CNNM1: variants seen among roughly 807,000 people sequenced by gnomAD.
CNNM1 encodes cyclin and CBS domain divalent metal cation transport mediator 1, also known as metal transporter CNNM1.
A neutral mutation model predicts 78.8 loss-of-function variants in CNNM1; 44 were observed. The ratio of observed to expected loss-of-function variants is 0.56; its 90% CI spans 0.44 to 0.72. CNNM1 has a LOEUF of 0.72. Ranked by LOEUF, CNNM1 falls within the 30% of genes least tolerant of loss-of-function variation. The pLI is 0.00. For synonymous variants in CNNM1, 584 were observed against 581.5 expected, an observed-to-expected ratio of 1.00 and a Z score of -0.06; for missense variants, 1,101 against 1,292.2, an observed-to-expected ratio of 0.85 and a Z score of 2.27.
chr10:99,374,158 C>T (rs1349078619), intron 6 of CNNM1, among the ~76,000 whole-genome samples: 1 of 152,152 alleles, frequency 6.6e-6, no homozygotes, highest in Non-Finnish European at 1.5e-5. Context: ...AGGAATGAGG[C>T]CCAGAAGTGA....
At chr10:99,346,570 C>A (rs1431155063) in intron 1 of CNNM1, among the ~76,000 whole-genome samples, 1 of 152,180 alleles carries the variant, frequency 6.6e-6, no homozygotes, top group Non-Finnish European at 1.5e-5. Flanking sequence ...CATTCATTCT[C>A]CCAAACTTAT....
chr10:99,380,436 A>C (rs1361380052), intron 7 of CNNM1, among the ~76,000 whole-genome samples: 1 of 151,932 alleles, frequency 6.6e-6, no homozygotes, highest in African/African-American at 2.4e-5. Context: ...GGATTTGGCA[A>C]CTCCTCAGAG....
chr10:99,377,174 C>T lies in CNNM1; in HGVS notation c.2296C>T (p.Pro766Ser). Residue 766 changes from proline (P) to serine (S), a missense_variant, in exon 7 of 11, where the codon CCT (proline) becomes TCT (serine). Pro to Ser is a moderately conservative substitution (Grantham distance 74, BLOSUM62 -1). Around this residue, in one of 3 missense-constraint regions of CNNM1, gnomAD observed 348 missense variants for 384.5 expected, o/e 0.90. Transcript: ENST00000356713. ...LYSSSNNLYM[P>S]DYSVHILSDV... ...CAGCAGCAGCAACAACCTCTACATG[C>T]CTGACTACTCAGTCCACATCCTCAG... is the stretch of plus-strand genomic sequence containing the variant. 1 of 1,613,684 alleles carries T rather than the reference C, an allele frequency of 6.2e-7. No homozygotes were observed. Among genetic ancestry groups the T allele is most frequent in the South Asian group, 1.1e-5 (1 of 90,918 alleles).
chr10:99,347,576 A>AACACAC lies in CNNM1; in HGVS notation c.1574-9918_1574-9913dup, dbSNP rs57477706. Among the ~76,000 whole-genome samples, 353 of 140,900 alleles carry AACACAC rather than the reference A, an allele frequency of 2.5e-3. 3 individuals carry two copies. The highest frequency in any genetic ancestry group is 8.3e-3 in the African/African-American group (315 of 38,046). The allele number at this position is 140,900 out of a possible 152,430, so 92.4% of individuals were successfully genotyped here. A position where few individuals can be genotyped will look rare whatever the true frequency, so the allele number is the denominator to read the frequency against. On this transcript the variant is annotated intron_variant, in intron 1 of 10. Transcript: ENST00000356713. ...AAGTCAGATCATGTCACCTTTTTGC[A>AACACAC]ACACACACACACACACACACACAAA...
At chr10:99,371,705 A>C (rs978379803) in intron 6 of CNNM1, among the ~76,000 whole-genome samples, 1 of 152,166 alleles carries the variant, frequency 6.6e-6, no homozygotes, top group African/African-American at 2.4e-5. Flanking sequence ...GAATGAGTTC[A>C]TCTGGGATCC....
intron 1 of CNNM1, among the ~76,000 whole-genome samples, chr10:99,343,798 T>C (rs1264394768): frequency 6.6e-6 from 1 of 152,058 alleles, no homozygotes; most frequent in Admixed American, 6.5e-5. Flanking sequence ...CACTGCAAAC[T>C]CTGCCTCCTG....
At chr10:99,376,990 T>TACCAACCCCATAATACAA in intron 6 of CNNM1, 65 bp from the exon 7 acceptor site, 1 of 866,126 alleles carries the variant, frequency 1.2e-6, no homozygotes, top group Non-Finnish European at 1.8e-6. Context: ...CCTGTCTCCC[T>TACCAACCCCATAATACAA]CCCTCCCCCT....
intron 1 of CNNM1, among the ~76,000 whole-genome samples, chr10:99,350,752 G>A (rs2030915126): frequency 6.6e-6 from 1 of 152,076 alleles, no homozygotes; most frequent in Admixed American, 6.5e-5. Context: ...TAGGTATTAA[G>A]CCCAGCATAC....
intron 2 of CNNM1, 29 bp downstream of exon 2, chr10:99,357,684 G>C: frequency 6.5e-7 from 1 of 1,548,524 alleles, no homozygotes; most frequent in Admixed American, 2.0e-5. Context: ...CTGTTCTCCA[G>C]GGTCATCTTA....
In CNNM1 at chr10:99,329,858, G is replaced by T. The variant is rs1465059781; in HGVS notation, c.471G>T (p.Ser157=). 20 of 1,409,634 alleles carry T rather than the reference G, an allele frequency of 1.4e-5. No individual in the cohort carries two copies. The highest frequency in any genetic ancestry group is 1.8e-5 in the Non-Finnish European group (20 of 1,088,740). 87.3% of individuals were successfully genotyped at this position (1,409,634 alleles called of 1,614,324 possible). A position where few individuals can be genotyped will look rare whatever the true frequency, so the allele number is the denominator to read the frequency against. ...GPLRPGGVAG[S]ALVQVRVREL... ...TGCGTCCCGGGGGCGTGGCAGGCTC[G>T]GCCCTGGTCCAGGTGCGAGTGCGGG... Residue 157 remains serine (S), a synonymous_variant, in exon 1 of 11, where the codon TCG becomes TCT. Coordinates refer to ENST00000356713, the MANE Select transcript of CNNM1 (RefSeq NM_020348.3).
intron 1 of CNNM1, among the ~76,000 whole-genome samples, chr10:99,352,799 A>T (rs1444798990): frequency 6.6e-6 from 1 of 151,248 alleles, no homozygotes; most frequent in East Asian, 2.0e-4. Context: ...CCATTCTGTG[A>T]ATTGTCTTTT....
Position 99,329,637 on chromosome 10 carries a change from G to T in CNNM1, c.250G>T (p.Ala84Ser). The T allele has an allele frequency of 6.6e-7, 1 of 1,517,136 alleles. No homozygotes were observed. 94.0% of individuals were successfully genotyped at this position (1,517,136 alleles called of 1,614,324 possible). Residue 84 changes from alanine (A) to serine (S), a missense_variant, in exon 1 of 11, where the codon GCC becomes TCC. Coordinates refer to ENST00000356713, the MANE Select transcript of CNNM1 (RefSeq NM_020348.3). The part of the protein sequence containing the change: ...VYFQPGPPAT[A>S]APVPSPTLNS... ...TTTCCAGCCAGGACCGCCGGCCACC[G>T]CCGCACCGGTGCCCTCACCGACCCT...
chr10:99,336,573 T>C (rs930382391), intron 1 of CNNM1, among the ~76,000 whole-genome samples: 1 of 152,248 alleles, frequency 6.6e-6, no homozygotes, highest in Non-Finnish European at 1.5e-5. Context: ...CAAATAGTTG[T>C]GTTGGCACAG....
At chr10:99,386,923 A>G (rs1208176486) in intron 7 of CNNM1, among the ~76,000 whole-genome samples, 1 of 152,228 alleles carries the variant, frequency 6.6e-6, no homozygotes, top group Non-Finnish European at 1.5e-5. Context: ...AAAACGCTTT[A>G]GGAGATGGTA....
chr10:99,359,004 C>CAAAAAAAAAAA (rs769541046), intron 2 of CNNM1, among the ~76,000 whole-genome samples: 1 of 51,498 alleles, frequency 1.9e-5, no homozygotes, highest in African/African-American at 7.1e-5. Context: ...AAGACTGTCT[C>CAAAAAAAAAAA]AAAAAAAAAA....
At chr10:99,349,964 A>G (rs1302790308) in intron 1 of CNNM1, among the ~76,000 whole-genome samples, 1 of 152,010 alleles carries the variant, frequency 6.6e-6, no homozygotes, top group Non-Finnish European at 1.5e-5. Context: ...ACACCATTGA[A>G]CTCCAGCCTG....
At chr10:99,337,508 T>G (rs2030243276) in intron 1 of CNNM1, among the ~76,000 whole-genome samples, 1 of 152,252 alleles carries the variant, frequency 6.6e-6, no homozygotes, top group Non-Finnish European at 1.5e-5. Context: ...TTTGCCTGAC[T>G]AATTCATTGC....
intron 1 of CNNM1, among the ~76,000 whole-genome samples, chr10:99,345,448 C>A (rs961085486): frequency 1.3e-5 from 2 of 152,296 alleles, no homozygotes; most frequent in African/African-American, 4.8e-5. Flanking sequence ...CAGGGACTAG[C>A]CTAGCTTGAC....
At chr10:99,338,294 CATT>C (rs2030281327) in intron 1 of CNNM1, among the ~76,000 whole-genome samples, 1 of 130,634 alleles carries the variant, frequency 7.7e-6, no homozygotes, top group African/African-American at 3.7e-5. Flanking sequence ...GACTAGGTGG[CATT>C]TTTTTTTTTT....
Sources: gnomAD v4.1 joint callset for allele counts (sites outside exome capture counted in the v4.1 genomes callset) on GRCh38, gnomAD v4.1.1 for gene constraint, gnomAD v4.1.1 regional missense constraint, MANE v1.5 for transcripts, NCBI Gene and HGNC (gene_info 2026-07-23, HGNC 2026-07-21) for gene names.